PRIM2: variants seen among roughly 807,000 people sequenced by gnomAD.
PRIM2 encodes DNA primase large subunit.
In PRIM2, 39 loss-of-function variants were observed where a neutral mutation model predicts 67.3. The ratio of observed to expected loss-of-function variants is 0.58; its 90% CI spans 0.45 to 0.76. The LOEUF (loss-of-function observed/expected upper bound fraction) is 0.76. PRIM2 is among the 30% of genes least tolerant of loss of function. The pLI, the probability that PRIM2 is intolerant of heterozygous loss-of-function variation, is 0.00. For synonymous variants in PRIM2, 143 were observed against 198.7 expected, an observed-to-expected ratio of 0.72 and a Z score of 2.36; for missense variants, 398 against 598.7, an observed-to-expected ratio of 0.66 and a Z score of 3.50.
upstream of PRIM2, among the ~76,000 whole-genome samples, chr6:57,310,537 C>G (rs1387412227): frequency 6.6e-6 from 1 of 152,272 alleles, no homozygotes; most frequent in Admixed American, 6.5e-5. Context: ...CCATCGTCAT[C>G]ATGGCCCGTT....
At chr6:57,361,176 T>C (rs1177811146) in intron 5 of PRIM2, among the ~76,000 whole-genome samples, 1 of 152,162 alleles carries the variant, frequency 6.6e-6, no homozygotes, top group Non-Finnish European at 1.5e-5. Flanking sequence ...AGGAAAGCTA[T>C]GGATGGGGTG....
chr6:57,361,996 G>A (rs1366184464), intron 5 of PRIM2, among the ~76,000 whole-genome samples: 2 of 152,140 alleles, frequency 1.3e-5, no homozygotes, highest in Non-Finnish European at 2.9e-5. Flanking sequence ...AAGGCAGAAA[G>A]GAGGTAGCAG....
At chr6:57,252,246 T>C in the PRIM2 span, among the ~76,000 whole-genome samples, 1 of 152,204 alleles carries the variant, frequency 6.6e-6, no homozygotes, top group Admixed American at 6.5e-5. Flanking sequence ...AATGTGTCAT[T>C]TACTCTCAAG....
At chr6:57,337,745 A>G (rs1208232575) in intron 5 of PRIM2, among the ~76,000 whole-genome samples, 1 of 152,232 alleles carries the variant, frequency 6.6e-6, no homozygotes, top group Non-Finnish European at 1.5e-5. Flanking sequence ...CTAAATGCCC[A>G]CAAGAGAAAG....
At chr6:57,378,826 G>A (rs1333508894) in intron 5 of PRIM2, among the ~76,000 whole-genome samples, 2 of 152,094 alleles carry the variant, frequency 1.3e-5, no homozygotes, top group African/African-American at 2.4e-5. Context: ...GTTTTGTTTT[G>A]TTTTCTCTAG....
At position 57,537,574 on chromosome 6, in the gene PRIM2, A is replaced by G. The variant is rs1379254943; in HGVS notation, c.969A>G (p.Ala323=). The part of the protein sequence containing the change: ...LKGIGLTLEQ[A]LQFWKQEFIK... Reference sequence around the variant, plus strand: ...GCATTGGTTTAACTTTGGAACAGGCATTGCAGTTCTGGAAGCAAGAATTTA... The same window carrying G: ...GCATTGGTTTAACTTTGGAACAGGCGTTGCAGTTCTGGAAGCAAGAATTTA... The change falls in exon 10 of 14, where the codon GCA becomes GCG. Residue 323 remains alanine, a synonymous_variant. Coordinates refer to ENST00000615550, the MANE Select transcript of PRIM2 (RefSeq NM_000947.5). The G allele has an allele frequency of 1.9e-6, 3 of 1,578,118 alleles. No individual in the cohort carries two copies. Among genetic ancestry groups the G allele is most frequent in the African/African-American group, 1.4e-5 (1 of 73,934 alleles).
the PRIM2 span, among the ~76,000 whole-genome samples, chr6:57,266,075 A>G: frequency 1.3e-5 from 2 of 152,236 alleles, no homozygotes; most frequent in Non-Finnish European, 2.9e-5. Flanking sequence ...AGCTTGAACA[A>G]ATAAGACACC....
At chr6:57,388,796 A>G (rs572614863) in intron 7 of PRIM2, among the ~76,000 whole-genome samples, 60 of 152,306 alleles carry the variant, frequency 3.9e-4, no homozygotes, top group African/African-American at 1.4e-3. Flanking sequence ...TTCTATTCTG[A>G]CCACGTTAAG....
intron 10 of PRIM2, among the ~76,000 whole-genome samples, chr6:57,551,185 A>G (rs1775393076): frequency 1.3e-5 from 2 of 152,188 alleles, no homozygotes; most frequent in Admixed American, 6.5e-5. Flanking sequence ...TAGTAAGAGA[A>G]TATATAAGTT....
chr6:57,443,758 T>C (rs1772276489), intron 7 of PRIM2, among the ~76,000 whole-genome samples: 1 of 152,222 alleles, frequency 6.6e-6, no homozygotes, highest in South Asian at 2.1e-4. Context: ...AGAAGCTTTT[T>C]AGTTTGATGT....
chr6:57,555,158 G>T (rs1331081748), intron 10 of PRIM2, among the ~76,000 whole-genome samples: 1 of 152,200 alleles, frequency 6.6e-6, no homozygotes, highest in African/African-American at 2.4e-5. Flanking sequence ...TGAGAAGATG[G>T]CTGATTTAAA....
the PRIM2 span, among the ~76,000 whole-genome samples, chr6:57,263,661 G>T: frequency 6.6e-6 from 1 of 152,118 alleles, no homozygotes; most frequent in Non-Finnish European, 1.5e-5. Flanking sequence ...ATACCTTCTT[G>T]GGGGGTGCAA....
chr6:57,528,563 T>C lies in PRIM2; in HGVS notation c.762-3848T>C, dbSNP rs1774813382. Among the ~76,000 whole-genome samples the C allele has an allele frequency of 6.6e-5, 10 of 152,298 alleles. No homozygotes were observed. The South Asian group carries it at 2.1e-3, about 32-fold the overall frequency. ...CAACTTCCTTGTGGCATAGTAATCATTTGGCTTCATTTACTCAATAACTAT... is the reference window on the plus strand; with the variant it reads ...CAACTTCCTTGTGGCATAGTAATCACTTGGCTTCATTTACTCAATAACTAT... On this transcript the variant is annotated intron_variant, in intron 8 of 13. Coordinates refer to ENST00000615550, the MANE Select transcript of PRIM2 (RefSeq NM_000947.5).
At chr6:57,369,642 G>A (rs987704039) in intron 5 of PRIM2, among the ~76,000 whole-genome samples, 5 of 152,164 alleles carry the variant, frequency 3.3e-5, no homozygotes, top group Non-Finnish European at 5.9e-5. Flanking sequence ...CTCAAAAAAT[G>A]TGTGTTTCAT....
intron 7 of PRIM2, among the ~76,000 whole-genome samples, chr6:57,455,038 T>G (rs1472381093): frequency 9.2e-5 from 14 of 152,204 alleles, no homozygotes; most frequent in Admixed American, 4.6e-4. Flanking sequence ...TTCATTTCAT[T>G]ATGTACCCAG....
intron 7 of PRIM2, among the ~76,000 whole-genome samples, chr6:57,413,954 T>C (rs1771174986): frequency 6.6e-6 from 1 of 152,108 alleles, no homozygotes; most frequent in Non-Finnish European, 1.5e-5. Flanking sequence ...ATTTAAGTGT[T>C]AGACAAGAAG....
the PRIM2 span, among the ~76,000 whole-genome samples, chr6:57,251,707 A>T: frequency 1.3e-5 from 2 of 152,222 alleles, no homozygotes; most frequent in South Asian, 4.1e-4. Flanking sequence ...ATTCAGGCAG[A>T]CATTTTTACT....
intron 7 of PRIM2, among the ~76,000 whole-genome samples, chr6:57,400,002 T>C (rs1407101865): frequency 6.6e-6 from 1 of 152,194 alleles, no homozygotes; most frequent in Non-Finnish European, 1.5e-5. Context: ...ACGAGACCCA[T>C]TAAGAAATGG....
At chr6:57,296,737 G>A in the PRIM2 span, among the ~76,000 whole-genome samples, 5 of 152,062 alleles carry the variant, frequency 3.3e-5, no homozygotes, top group South Asian at 2.1e-4. Context: ...CTGTACCAAC[G>A]AGCATGCCTA....
Sources: gnomAD v4.1 joint callset for allele counts (sites outside exome capture counted in the v4.1 genomes callset) on GRCh38, gnomAD v4.1.1 for gene constraint, MANE v1.5 for transcripts, NCBI Gene and HGNC (gene_info 2026-07-23, HGNC 2026-07-21) for gene names.